The following LINGO1 variants were observed in gnomAD, a reference collection of about 807,000 sequenced individuals.
LINGO1 encodes the protein leucine rich repeat and Ig domain containing 1, also known as leucine-rich repeat and immunoglobulin-like domain-containing nogo receptor-interacting protein 1.
In LINGO1, 11 loss-of-function variants were observed where a neutral mutation model predicts 37.3. That is an observed-to-expected ratio of 0.29 (90% CI 0.19 to 0.49). LINGO1 has a LOEUF of 0.49. Ranked by LOEUF, LINGO1 falls within the 20% of genes least tolerant of loss-of-function variation. The pLI, the probability that LINGO1 is intolerant of heterozygous loss-of-function variation, is 0.99. For missense variants in LINGO1, 585 were observed against 878.2 expected (o/e 0.67, Z 4.22); for synonymous variants, 387 against 403.0 (o/e 0.96, Z 0.48).
upstream of LINGO1, among the ~76,000 whole-genome samples, chr15:77,787,622 C>T (rs1016590065): frequency 3.3e-5 from 5 of 152,062 alleles, no homozygotes; most frequent in African/African-American, 4.8e-5. Context: ...TGCCAACCTC[C>T]CTGCCAACCG....
At chr15:77,668,475 G>A (rs1323073338) in intron 3 of LINGO1, among the ~76,000 whole-genome samples, 2 of 152,130 alleles carry the variant, frequency 1.3e-5, no homozygotes, top group African/African-American at 4.8e-5. Context: ...TGTCACGCAG[G>A]GCAGCCCTTC....
intron 2 of LINGO1, among the ~76,000 whole-genome samples, chr15:77,683,888 A>G (rs921643267): frequency 2.0e-5 from 3 of 151,712 alleles, no homozygotes; most frequent in African/African-American, 7.3e-5. Flanking sequence ...GCTGCAGGAC[A>G]AAGTTCAAAT....
At chr15:77,796,279 A>G (rs921233881) in intron 1 of LINGO1, among the ~76,000 whole-genome samples, 4 of 152,202 alleles carry the variant, frequency 2.6e-5, no homozygotes, top group Non-Finnish European at 1.5e-5. Context: ...TGTGTTGTCA[A>G]TTGTGCATGC....
upstream of LINGO1, among the ~76,000 whole-genome samples, chr15:77,700,642 C>T (rs1567532936): frequency 6.6e-6 from 1 of 152,084 alleles, no homozygotes; most frequent in East Asian, 1.9e-4. Context: ...GTCGGTGTTA[C>T]CAGTGGTCAA....
rs149228888 is a variant in LINGO1 at position 77,754,146 on chromosome 15, G to T, written c.-256-19093C>A. 3.8e-3 allele frequency among the ~76,000 whole-genome samples: 570 copies of T among 151,980 alleles called. 4 individuals carry two copies. Among genetic ancestry groups the T allele is most frequent in the Middle Eastern group, 0.01 (3 of 294 alleles). Reference sequence around the variant, plus strand: ...AGGAAAGGGGGAAAAGGGAAAAGGAGGAAGGGAAAGAGTGGGGCAGAAGGG... The same window carrying T: ...AGGAAAGGGGGAAAAGGGAAAAGGATGAAGGGAAAGAGTGGGGCAGAAGGG... On this transcript the variant is annotated intron_variant, in intron 1 of 3. Coordinates refer to the LINGO1 transcript ENST00000561686.
intron 1 of LINGO1, among the ~76,000 whole-genome samples, chr15:77,761,295 G>A (rs1440712752): frequency 1.3e-5 from 2 of 151,978 alleles, no homozygotes. Flanking sequence ...CATTGGGTGG[G>A]GCAATACAGG....
chr15:77,708,300 G>T (rs2075877094), intron 2 of LINGO1, among the ~76,000 whole-genome samples: 1 of 152,166 alleles, frequency 6.6e-6, no homozygotes, highest in African/African-American at 2.4e-5. Flanking sequence ...GACACCAGCA[G>T]CCCAGTGTGC....
intron 1 of LINGO1, among the ~76,000 whole-genome samples, chr15:77,813,970 C>T (rs990609264): frequency 3.9e-5 from 6 of 152,114 alleles, no homozygotes; most frequent in Non-Finnish European, 7.4e-5. Flanking sequence ...ATCCCTCACT[C>T]GTCCCTGGGC....
At chr15:77,767,178 A>C (rs1044741068) in intron 1 of LINGO1, among the ~76,000 whole-genome samples, 3 of 152,230 alleles carry the variant, frequency 2.0e-5, no homozygotes. Context: ...CACAGGGAGA[A>C]AGAGAAGGTT....
Position 77,705,205 on chromosome 15 carries a change from A to ACACACACACACACACACACACC in LINGO1, c.-194-14305_-194-14304insGGTGTGTGTGTGTGTGTGTGTG, listed in dbSNP as rs1555532644. ...CACACACACACACACACACACACAC[A>ACACACACACACACACACACACC]CCAGTCCACTTCCAGCACCCTGGAC... On this transcript the variant is annotated intron_variant, in intron 2 of 3. Coordinates refer to the LINGO1 transcript ENST00000561686. Among the ~76,000 whole-genome samples, 341 of 145,380 alleles carry ACACACACACACACACACACACC rather than the reference A, an allele frequency of 2.3e-3. 2 individuals carry two copies. Among genetic ancestry groups the ACACACACACACACACACACACC allele is most frequent in the African/African-American group, 8.8e-3 (327 of 37,224 alleles).
chr15:77,750,401 TACAC>T lies in LINGO1; in HGVS notation c.-256-15352_-256-15349del, dbSNP rs142950882. Among the ~76,000 whole-genome samples, 528 of 152,354 alleles carry T rather than the reference TACAC, an allele frequency of 3.5e-3. 6 individuals are homozygous for T. Among genetic ancestry groups the T allele is most frequent in the African/African-American group, 0.012 (500 of 41,574 alleles). On this transcript the variant is annotated intron_variant, in intron 1 of 3. Coordinates refer to the LINGO1 transcript ENST00000561686. Reference sequence around the variant, plus strand: ...AAATTCATTTTCCAGTTATTTGTTTTACACACACACAGCCGCCCACACGCGTGCA... The same window carrying T: ...AAATTCATTTTCCAGTTATTTGTTTTACACACAGCCGCCCACACGCGTGCA...
chr15:77,700,509 C>A (rs1046388883), upstream of LINGO1, among the ~76,000 whole-genome samples: 1 of 152,144 alleles, frequency 6.6e-6, no homozygotes, highest in Non-Finnish European at 1.5e-5. Flanking sequence ...AGTACTCAGA[C>A]AAATGGAGGC....
intron 2 of LINGO1, among the ~76,000 whole-genome samples, chr15:77,715,051 G>C (rs1267647645): frequency 1.3e-5 from 2 of 152,234 alleles, no homozygotes; most frequent in African/African-American, 4.8e-5. Context: ...TGGTGGGCCT[G>C]GTTGTCTGGA....
At chr15:77,634,074 G>C (rs186574584), upstream of LINGO1, among the ~76,000 whole-genome samples, 36 of 152,320 alleles carry the variant, frequency 2.4e-4, no homozygotes, top group African/African-American at 8.4e-4. Flanking sequence ...GCTGAGGCTG[G>C]GGGAGGGGAT....
intron 2 of LINGO1, among the ~76,000 whole-genome samples, chr15:77,710,819 C>T (rs1401063828): frequency 6.6e-6 from 1 of 152,246 alleles, no homozygotes; most frequent in East Asian, 1.9e-4. Context: ...GGCCGCCAGG[C>T]CCCCAGATTG....
chr15:77,801,315 C>T (rs2076916610), intron 1 of LINGO1, among the ~76,000 whole-genome samples: 1 of 152,224 alleles, frequency 6.6e-6, no homozygotes, highest in South Asian at 2.1e-4. Context: ...CATGTCCACA[C>T]TATGGAACAC....
Position 77,746,287 on chromosome 15 carries a change from A to G in LINGO1, c.-256-11234T>C, listed in dbSNP as rs992808301. Among the ~76,000 whole-genome samples, 4 of 151,970 alleles carry G rather than the reference A, an allele frequency of 2.6e-5. No individual in the cohort carries two copies. In the East Asian group the frequency reaches 7.7e-4, roughly 29 times the overall value. ...AAACACTGTTGCCTGGGTAGCTTTC[A>G]TAAGCAAAATGGGTATAAACAACAT... is the stretch of plus-strand genomic sequence containing the variant. On this transcript the variant is annotated intron_variant, in intron 1 of 3. Transcript: ENST00000561686.
chr15:77,803,854 A>G (rs1422275449), intron 1 of LINGO1, among the ~76,000 whole-genome samples: 1 of 152,132 alleles, frequency 6.6e-6, no homozygotes, highest in East Asian at 1.9e-4. Flanking sequence ...GAGCCAATTA[A>G]ACCTCTTTTC....
rs1485168104 is a variant in LINGO1, at chr15:77,615,855, G to A, written c.52C>T (p.Pro18Ser). 1.3e-6 allele frequency: 2 copies of A among 1,493,768 alleles called. No homozygotes were observed. Among genetic ancestry groups the A allele is most frequent in the Non-Finnish European group, 1.8e-6 (2 of 1,128,692 alleles). The allele number at this position is 1,493,768 out of a possible 1,614,324, so 92.5% of individuals were successfully genotyped here. A position where few individuals can be genotyped will look rare whatever the true frequency, so the allele number is the denominator to read the frequency against. Residue 18 changes from proline (P) to serine (S), a missense_variant, in exon 2 of 2, where the codon CCC becomes TCC. Pro to Ser is a moderately conservative substitution (Grantham distance 74). Coordinates refer to ENST00000355300, the MANE Select transcript of LINGO1 (RefSeq NM_032808.7). ...LAGGVRSMPS[P>S]LLACWQPILL... ...ATGGGCTGCCAGCAGGCCAGGAGGGGGCTGGGCATGCTCCTCACGCCCCCC... is the reference window on the plus strand; with the variant it reads ...ATGGGCTGCCAGCAGGCCAGGAGGGAGCTGGGCATGCTCCTCACGCCCCCC...
Sources: gnomAD v4.1 joint callset for allele counts (sites outside exome capture counted in the v4.1 genomes callset) on GRCh38, gnomAD v4.1.1 for gene constraint, MANE v1.5 for transcripts, NCBI Gene and HGNC (gene_info 2026-07-23, HGNC 2026-07-21) for gene names.